Variants in ERICH3 observed in about 807,000 individuals in gnomAD.
ERICH3 encodes the protein glutamate-rich protein 3.
Under a neutral mutation model 131.1 loss-of-function variants are expected in ERICH3, and 126 were observed. That is an observed-to-expected ratio of 0.96 (90% CI 0.83 to 1.11). The LOEUF is 1.11. ERICH3 is among the 50% of genes most tolerant of loss of function. The pLI is 0.00. For missense variants in ERICH3, 2,050 were observed against 1,810.7 expected (o/e 1.13, Z -2.40); for synonymous variants, 695 against 644.6 (o/e 1.08, Z -1.18).
At chr1:74,647,011 A>G (rs1008256226) in intron 2 of ERICH3, among the ~76,000 whole-genome samples, 7 of 151,628 alleles carry the variant, frequency 4.6e-5, no homozygotes, top group African/African-American at 1.7e-4. Flanking sequence ...GAGAGAAAGC[A>G]TCAGTAGCTT....
chr1:74,643,211 T>C, intron 3 of ERICH3, 113 bp from the exon 4 acceptor site: 3 of 694,464 alleles, frequency 4.3e-6, no homozygotes, highest in Non-Finnish European at 7.2e-6. Context: ...CTCTTGTCAT[T>C]GAGATGGAGA....
rs1647526648 is a variant in ERICH3 at position 74,590,232 on chromosome 1, T to C, written c.1727-152A>G. Reference sequence around the variant, plus strand: ...TTTTCCCATATAGTCTACTCAGTGGTCCCCAATCTTTTTTATACCAGGGAG... The same window carrying C: ...TTTTCCCATATAGTCTACTCAGTGGCCCCCAATCTTTTTTATACCAGGGAG... On this transcript the variant is annotated intron_variant, in intron 11 of 14. Coordinates refer to ENST00000326665, the MANE Select transcript of ERICH3 (RefSeq NM_001002912.5). The C allele has an allele frequency of 1.4e-5, 10 of 732,844 alleles. No homozygotes were observed. In the South Asian group the frequency reaches 1.4e-4, roughly 10 times the overall value. The allele number at this position is 732,844 out of a possible 1,614,324, so 45.4% of individuals were successfully genotyped here.
At position 74,620,714 on chromosome 1, in the gene ERICH3, C is replaced by A; in HGVS notation, c.1000+20G>T. The A allele has an allele frequency of 6.4e-7, 1 of 1,555,026 alleles. No homozygotes were observed. The highest frequency in any genetic ancestry group is 1.2e-5 in the South Asian group (1 of 81,548). On this transcript the variant is annotated intron_variant, in intron 8 of 14. Transcript: ENST00000326665. ...ACATCAACTCCAAGCAATTAAAAAA[C>A]ATTCACATTTTATGTGTACCTTTTT...
intron 7 of ERICH3, among the ~76,000 whole-genome samples, chr1:74,626,564 G>T (rs746128689): frequency 6.6e-6 from 1 of 152,154 alleles, no homozygotes; most frequent in Non-Finnish European, 1.5e-5. Context: ...TTGGAAGCCT[G>T]TACTTTCCCT....
rs1269986491 is a variant in ERICH3 at position 74,569,331 on chromosome 1, T to A, written c.*1127A>T. 1.3e-5 allele frequency: 2 copies of A among 152,098 alleles called. No homozygotes were observed. The highest frequency in any genetic ancestry group is 4.8e-5 in the African/African-American group (2 of 41,378). 9.4% of individuals were successfully genotyped at this position (152,098 alleles called of 1,614,324 possible). On this transcript the variant is annotated 3_prime_UTR_variant, in exon 15 of 15. Transcript: ENST00000326665. ...CTGGAAAATCACTGCTTAAGGAAAT[T>A]TTTTTTACCTTCTCATATAGAGAAA...
rs762927326 is a variant in ERICH3 at position 74,573,082 on chromosome 1, A to C, written c.2628T>G (p.Pro876=). 1.2e-6 allele frequency: 2 copies of C among 1,614,156 alleles called. No individual in the cohort carries two copies. The highest frequency in any genetic ancestry group is 1.3e-5 in the African/African-American group (1 of 75,044). Residue 876 remains proline, a synonymous_variant, in exon 14 of 15, where the codon CCT becomes CCG. Transcript: ENST00000326665. ...DAVGLSKDEA[P]EKQALMLTVL... ...CTGTGAGCATCAAGGCTTGCTTTTCAGGAGCCTCATCTTTACTCAGACCCA... is the reference window on the plus strand; with the variant it reads ...CTGTGAGCATCAAGGCTTGCTTTTCCGGAGCCTCATCTTTACTCAGACCCA...
rs929217687 is a variant in ERICH3 at position 74,589,834 on chromosome 1, G to A, written c.1973C>T (p.Pro658Leu). 3.1e-6 allele frequency: 5 copies of A among 1,613,834 alleles called. No homozygotes were observed. The African/African-American group carries it at 5.3e-5, about 17-fold the overall frequency. The change falls in exon 12 of 15, where the codon CCG (proline) becomes CTG (leucine). Residue 658 changes from proline to leucine, a missense_variant. Physicochemically the swap from Pro to Leu is moderately conservative, Grantham distance 98. Coordinates refer to ENST00000326665, the MANE Select transcript of ERICH3 (RefSeq NM_001002912.5). ...CTCAAAGCTTTCGTCTATTGGCATC[G>A]GCTTGGTCTCCACATCTGCTTTTGT... ...EITKADVETK[P>L]MPIDESFENV...
chr1:74,577,909 T>G (rs1189962776), intron 12 of ERICH3, among the ~76,000 whole-genome samples: 1 of 152,248 alleles, frequency 6.6e-6, no homozygotes, highest in Non-Finnish European at 1.5e-5. Context: ...TATGAGCATT[T>G]CATCCATTAG....
rs1267002592 is a variant in ERICH3, at chr1:74,572,659, G to T, written c.3051C>A (p.Ser1017Arg). 1.8e-5 allele frequency: 29 copies of T among 1,613,590 alleles called. No individual in the cohort carries two copies. Among genetic ancestry groups the T allele is most frequent in the Non-Finnish European group, 2.0e-5 (24 of 1,179,948 alleles). The part of the protein sequence containing the change: ...QVSEGSPEEG[S>R]LAKEAFLCKE... ...TGCAAAGGAAGGCTTCCTTTGCAAG[G>T]CTTCCTTCCTCAGGGCTGCCCTCCG... Residue 1017 changes from serine (S) to arginine (R), a missense_variant, in exon 14 of 15, where the codon AGC becomes AGA. Physicochemically the swap from Ser to Arg is moderately radical, Grantham distance 110 (BLOSUM62 -1). Coordinates refer to ENST00000326665, the MANE Select transcript of ERICH3 (RefSeq NM_001002912.5).
rs533691748 is a variant in ERICH3 at position 74,660,515 on chromosome 1, T to C, written c.24-11200A>G. 1.3e-4 allele frequency among the ~76,000 whole-genome samples: 20 copies of C among 150,876 alleles called. No homozygotes were observed. The East Asian group carries it at 3.9e-3, about 30-fold the overall frequency. Reference sequence around the variant, plus strand: ...CAGTCTTTTATAGATACAAATAGCCTACTTAAACTCTTTAAACTACCATCC... The same window carrying C: ...CAGTCTTTTATAGATACAAATAGCCCACTTAAACTCTTTAAACTACCATCC... On this transcript the variant is annotated intron_variant, in intron 1 of 14. Coordinates refer to ENST00000326665, the MANE Select transcript of ERICH3 (RefSeq NM_001002912.5).
At chr1:74,576,420 C>A (rs1647055139) in intron 13 of ERICH3, among the ~76,000 whole-genome samples, 1 of 152,156 alleles carries the variant, frequency 6.6e-6, no homozygotes, top group African/African-American at 2.4e-5. Context: ...TGGTGCCTCT[C>A]CTGTAAGTCA....
intron 6 of ERICH3, among the ~76,000 whole-genome samples, chr1:74,635,495 A>C (rs1224150971): frequency 1.3e-5 from 2 of 152,164 alleles, no homozygotes; most frequent in African/African-American, 4.8e-5. Context: ...AAATATCTTA[A>C]TTTCATATAT....
At position 74,573,302 on chromosome 1, in the gene ERICH3, G is replaced by T. The variant is rs759078598; in HGVS notation, c.2408C>A (p.Ala803Asp). Residue 803 changes from alanine (A) to aspartate (D), a missense_variant, in exon 14 of 15, where the codon GCT becomes GAT. Ala to Asp is a moderately radical substitution (Grantham distance 126). Transcript: ENST00000326665. Reference protein sequence around the residue: ...GEAALWGEAGAVHEAPLRAWK... With the variant: ...GEAALWGEAGDVHEAPLRAWK... ...CGCCCTCAAGGGAGCCTCATGAACA[G>T]CTCCTGCTTCTCCCCACAGTGCTGC... is the stretch of plus-strand genomic sequence containing the variant. The T allele has an allele frequency of 6.2e-7, 1 of 1,601,132 alleles. No homozygotes were observed. The highest frequency in any genetic ancestry group is 8.5e-7 in the Non-Finnish European group (1 of 1,174,796).
chr1:74,667,791 G>C (rs1646705881), intron 1 of ERICH3, among the ~76,000 whole-genome samples: 1 of 152,122 alleles, frequency 6.6e-6, no homozygotes, highest in Non-Finnish European at 1.5e-5. Context: ...GGGGACCTTG[G>C]ATAAGGATAG....
chr1:74,609,999 C>T (rs1289253840), intron 9 of ERICH3, among the ~76,000 whole-genome samples: 2 of 152,018 alleles, frequency 1.3e-5, no homozygotes, highest in African/African-American at 4.8e-5. Flanking sequence ...TAATAATTTA[C>T]AGCTTGGATT....
At chr1:74,670,090 T>G (rs1212231907) in intron 1 of ERICH3, among the ~76,000 whole-genome samples, 1 of 152,212 alleles carries the variant, frequency 6.6e-6, no homozygotes, top group Non-Finnish European at 1.5e-5. Context: ...TCAAATAATT[T>G]TGTTCTTGGG....
intron 1 of ERICH3, among the ~76,000 whole-genome samples, chr1:74,667,017 T>C (rs1043512803): frequency 6.6e-6 from 1 of 152,176 alleles, no homozygotes; most frequent in Non-Finnish European, 1.5e-5. Context: ...CTATTCAATA[T>C]AATCAGGATT....
At chr1:74,660,069 G>T (rs1646625439) in intron 1 of ERICH3, among the ~76,000 whole-genome samples, 1 of 152,066 alleles carries the variant, frequency 6.6e-6, no homozygotes, top group South Asian at 2.1e-4. Context: ...TTAATCATGG[G>T]GTTACCCTCA....
intron 1 of ERICH3, among the ~76,000 whole-genome samples, chr1:74,661,972 A>G (rs1174493209): frequency 2.0e-5 from 3 of 152,164 alleles, no homozygotes; most frequent in African/African-American, 7.2e-5. Context: ...GAAGAGAAAA[A>G]AGTGGGAAAG....
Sources: gnomAD v4.1 joint callset for allele counts (sites outside exome capture counted in the v4.1 genomes callset) on GRCh38, gnomAD v4.1.1 for gene constraint, MANE v1.5 for transcripts, NCBI Gene and HGNC (gene_info 2026-07-23, HGNC 2026-07-21) for gene names.